CRHR1: variants seen among roughly 807,000 people sequenced by gnomAD.
The protein encoded by CRHR1 is corticotropin-releasing hormone receptor 1.
Under a neutral mutation model 56.0 loss-of-function variants are expected in CRHR1, and 28 were observed. The observed-to-expected ratio is 0.50, with a 90% CI of 0.37 to 0.69. The LOEUF (loss-of-function observed/expected upper bound fraction) is 0.69. Among genes scored for constraint, CRHR1 ranks in the 30% least tolerant of loss-of-function variants. The pLI is 0.00. For synonymous variants in CRHR1, 195 were observed against 216.5 expected, an observed-to-expected ratio of 0.90 and a Z score of 0.87; for missense variants, 376 against 548.0, an observed-to-expected ratio of 0.69 and a Z score of 3.13.
At position 45,784,910 on chromosome 17, in the gene CRHR1, A is replaced by C. The variant is rs2061305041; in HGVS notation, c.33+333A>C. 6.6e-6 allele frequency among the ~76,000 whole-genome samples: 1 copy of C among 151,960 alleles called. No homozygotes were observed. Among genetic ancestry groups the C allele is most frequent in the African/African-American group, 2.4e-5 (1 of 41,380 alleles). On this transcript the variant is annotated intron_variant, in intron 1 of 12. Transcript: ENST00000314537. The surrounding 1 kb of genome is among the most constrained non-coding windows in gnomAD (Gnocchi z 4.2). ...TAGGGGAGGGGAGGTTCCACCTCCC[A>C]CGCCCTTCCTGCAGACCTCGGCCCC...
At chr17:45,800,070 T>C (rs2061594706) in intron 1 of CRHR1, among the ~76,000 whole-genome samples, 1 of 152,190 alleles carries the variant, frequency 6.6e-6, no homozygotes. Context: ...TGAAACTCCA[T>C]GGTCCCCCTG....
intron 4 of CRHR1, among the ~76,000 whole-genome samples, chr17:45,822,245 C>T (rs78917479): frequency 0.14 from 21,835 of 152,262 alleles, 2,141 homozygotes; most frequent in Middle Eastern, 0.22. Context: ...TGTACCATAA[C>T]TTATTTAAAC....
intron 1 of CRHR1, among the ~76,000 whole-genome samples, chr17:45,791,852 T>TCACACACACACACACACA (rs59855327): frequency 9.1e-5 from 11 of 121,088 alleles, no homozygotes; most frequent in African/African-American, 3.4e-4. Context: ...TCTCTCTCTC[T>TCACACACACACACACACA]CACACACACA....
chr17:45,806,960 C>T, intron 1 of CRHR1, 50 bp from the exon 2 acceptor site: 1 of 1,546,814 alleles, frequency 6.5e-7, no homozygotes, highest in Non-Finnish European at 8.9e-7. Flanking sequence ...GCAACATGCT[C>T]ATGGCTCATG....
At chr17:45,798,607 A>C (rs1050587630) in intron 1 of CRHR1, among the ~76,000 whole-genome samples, 1 of 151,822 alleles carries the variant, frequency 6.6e-6, no homozygotes, top group East Asian at 1.9e-4. Context: ...TACATCTGGA[A>C]CCTTGGAGGG....
chr17:45,808,772 C>T (rs1201236938), intron 2 of CRHR1, among the ~76,000 whole-genome samples: 1 of 152,122 alleles, frequency 6.6e-6, no homozygotes, highest in Non-Finnish European at 1.5e-5. Flanking sequence ...TCTCAGCCTC[C>T]TGAGAAGCTA....
chr17:45,793,494 G>A (rs1358150116), intron 1 of CRHR1, among the ~76,000 whole-genome samples: 1 of 152,234 alleles, frequency 6.6e-6, no homozygotes, highest in Non-Finnish European at 1.5e-5. Flanking sequence ...TGCTGGTCAT[G>A]AGGCAGGAGT....
intron 2 of CRHR1, among the ~76,000 whole-genome samples, chr17:45,813,956 G>A (rs2061875338): frequency 6.6e-6 from 1 of 152,262 alleles, no homozygotes; most frequent in African/African-American, 2.4e-5. Flanking sequence ...AGTGGCCGGT[G>A]CAGGTCCTCT....
intron 1 of CRHR1, among the ~76,000 whole-genome samples, chr17:45,791,333 C>T (rs1318975994): frequency 1.3e-5 from 2 of 152,160 alleles, no homozygotes; most frequent in Non-Finnish European, 2.9e-5. Flanking sequence ...CTTACAGGTC[C>T]AGGCCCCCTG....
intron 10 of CRHR1, 59 bp from the exon 11 acceptor site, chr17:45,833,655 C>T (rs532326862): frequency 1.1e-5 from 17 of 1,602,550 alleles, no homozygotes; most frequent in African/African-American, 4.0e-5. Flanking sequence ...GCCGAGCCAG[C>T]GGGCAGCCCG....
intron 2 of CRHR1, among the ~76,000 whole-genome samples, chr17:45,811,005 C>G (rs115673499): frequency 1.6e-3 from 240 of 152,376 alleles, no homozygotes; most frequent in African/African-American, 5.0e-3. Context: ...CTGAGTCCCC[C>G]TCCTGGGTTT....
intron 2 of CRHR1, among the ~76,000 whole-genome samples, chr17:45,812,896 C>T (rs1215998184): frequency 6.6e-6 from 1 of 152,194 alleles, no homozygotes; most frequent in Non-Finnish European, 1.5e-5. Context: ...AAGCGCCTTT[C>T]ACAGTGCCTG....
intron 9 of CRHR1, 90 bp from the exon 10 acceptor site, chr17:45,833,362 G>A: frequency 1.3e-6 from 2 of 1,482,360 alleles, no homozygotes; most frequent in Non-Finnish European, 9.4e-7. Context: ...GAGGAGGAGG[G>A]AGAACAGCAG....
intron 1 of CRHR1, among the ~76,000 whole-genome samples, chr17:45,787,980 G>T (rs938915143): frequency 2.6e-5 from 4 of 152,230 alleles, no homozygotes; most frequent in Non-Finnish European, 5.9e-5. Flanking sequence ...CCATAGAGAG[G>T]AGTGTGTAGA....
intron 10 of CRHR1, 21 bp from the exon 11 acceptor site, chr17:45,833,693 T>TGGGGGGGGCCCCCCC: frequency 1.3e-6 from 2 of 1,571,598 alleles, no homozygotes; most frequent in Non-Finnish European, 1.7e-6. Context: ...ACTCCGAGCC[T>TGGGGGGGGCCCCCCC]CCCCACCCGC....
intron 1 of CRHR1, among the ~76,000 whole-genome samples, chr17:45,794,778 A>G (rs1336380971): frequency 6.6e-6 from 1 of 152,196 alleles, no homozygotes; most frequent in African/African-American, 2.4e-5. Flanking sequence ...CACAGGACTT[A>G]GCCCCATGCT....
At chr17:45,816,398 C>A in intron 2 of CRHR1, 65 bp from the exon 3 acceptor site, 1 of 1,596,264 alleles carries the variant, frequency 6.3e-7, no homozygotes, top group South Asian at 1.1e-5. Context: ...TCTGGAATGT[C>A]CTCTGCCTGC....
In CRHR1 at chr17:45,827,378, A is replaced by G. The variant is rs117972907; in HGVS notation, c.328-1837A>G. ...GGTGTTGTGCCATGCTCGGCTCCACACATGTTGTCATTACCCAGGGGCTTC... is the reference window on the plus strand; with the variant it reads ...GGTGTTGTGCCATGCTCGGCTCCACGCATGTTGTCATTACCCAGGGGCTTC... On this transcript the variant is annotated intron_variant, in intron 4 of 12. Coordinates refer to ENST00000314537, the MANE Select transcript of CRHR1 (RefSeq NM_004382.5). Among the ~76,000 whole-genome samples the G allele has an allele frequency of 3.2e-4, 49 of 152,342 alleles. No individual in the cohort carries two copies. In the East Asian group the frequency reaches 8.5e-3, roughly 26 times the overall value.
intron 2 of CRHR1, among the ~76,000 whole-genome samples, chr17:45,816,000 G>A (rs1459834156): frequency 6.6e-6 from 1 of 152,210 alleles, no homozygotes; most frequent in African/African-American, 2.4e-5. Flanking sequence ...CAGGGCCAGG[G>A]TAGATGTGGT....
Sources: allele counts gnomAD v4.1 joint callset (sites outside exome capture counted in the v4.1 genomes callset), GRCh38; gene constraint gnomAD v4.1.1; non-coding constraint Gnocchi (gnomAD v3.1); transcripts MANE v1.5; gene names NCBI Gene and HGNC (gene_info 2026-07-23, HGNC 2026-07-21).